The following KIRREL3 variants were observed in gnomAD, a reference collection of about 807,000 sequenced individuals.
KIRREL3 encodes kin of IRRE-like protein 3.
KIRREL3 carries 36 observed loss-of-function variants against 89.7 expected under a neutral mutation model. The observed-to-expected ratio is 0.40, with a 90% CI of 0.31 to 0.53. KIRREL3 has a LOEUF of 0.53. KIRREL3 is among the 20% of genes least tolerant of loss of function. KIRREL3 has a pLI of 0.49. For synonymous variants in KIRREL3, 445 were observed against 441.4 expected, an observed-to-expected ratio of 1.01 and a Z score of -0.10; for missense variants, 864 against 1,056.6, an observed-to-expected ratio of 0.82 and a Z score of 2.53.
At chr11:126,825,459 C>A (rs1157071510) in intron 1 of KIRREL3, among the ~76,000 whole-genome samples, 1 of 152,090 alleles carries the variant, frequency 6.6e-6, no homozygotes, top group Non-Finnish European at 1.5e-5. Flanking sequence ...ATAATGAGAT[C>A]TAGCAAAGGT....
At chr11:126,671,259 G>C (rs1348702779) in intron 1 of KIRREL3, among the ~76,000 whole-genome samples, 1 of 147,950 alleles carries the variant, frequency 6.8e-6, no homozygotes, top group African/African-American at 2.5e-5. Flanking sequence ...TTTGAGTCGA[G>C]GTCTTGCTGC....
At position 126,623,234 on chromosome 11, in the gene KIRREL3, C is replaced by T. The variant is rs1334419343; in HGVS notation, c.56-60322G>A. On this transcript the variant is annotated intron_variant, in intron 1 of 16. Coordinates refer to ENST00000525144, the MANE Select transcript of KIRREL3 (RefSeq NM_032531.4). The surrounding 1 kb of genome is among the most constrained non-coding windows in gnomAD (Gnocchi z 4.1). ...CATCTCAATGGGTGGAAAAACCTAC[C>T]CACATGCTATGAGGATGGGAAACCA... Among the ~76,000 whole-genome samples the T allele has an allele frequency of 6.6e-6, 1 of 152,106 alleles. No individual in the cohort carries two copies. The highest frequency in any genetic ancestry group is 1.5e-5 in the Non-Finnish European group (1 of 68,020).
In KIRREL3 at chr11:126,542,915, G is replaced by A. The variant is rs529106917; in HGVS notation, c.134-16228C>T. Among the ~76,000 whole-genome samples, 4 of 152,222 alleles carry A rather than the reference G, an allele frequency of 2.6e-5. No individual in the cohort carries two copies. In the East Asian group the frequency reaches 5.8e-4, roughly 22 times the overall value. ...CCCTGGGATTGTGGGCCGTCTTCTG[G>A]TGGGTTTGGGATATTAACCACAACT... is the stretch of plus-strand genomic sequence containing the variant. On this transcript the variant is annotated intron_variant, in intron 2 of 16. Coordinates refer to ENST00000525144, the MANE Select transcript of KIRREL3 (RefSeq NM_032531.4).
At chr11:126,800,308 C>G (rs1449973031) in intron 1 of KIRREL3, among the ~76,000 whole-genome samples, 1 of 152,198 alleles carries the variant, frequency 6.6e-6, no homozygotes, top group African/African-American at 2.4e-5. Flanking sequence ...TCTGAGCACT[C>G]AGCCACTTGC....
intron 1 of KIRREL3, among the ~76,000 whole-genome samples, chr11:126,846,568 A>G (rs1805121473): frequency 1.3e-5 from 2 of 152,196 alleles, no homozygotes; most frequent in South Asian, 4.1e-4. Context: ...CACACCTAGT[A>G]CATAATGAAA....
Position 126,436,978 on chromosome 11 carries a change from G to C in KIRREL3, c.1385C>G (p.Ser462Trp). 6.4e-7 allele frequency: 1 copy of C among 1,574,520 alleles called. No homozygotes were observed. The highest frequency in any genetic ancestry group is 8.7e-7 in the Non-Finnish European group (1 of 1,155,260). ...CACCGTATAGCGCCCCGATGTGCCC[G>C]ACTCCAGAACGTTCTCCTTCCAGGA... ...AWSWKENVLE[S>W]GTSGRYTVET... is the part of the protein sequence containing the mutation. Residue 462 changes from serine (S) to tryptophan (W), a missense_variant, in exon 12 of 17, where the codon TCG becomes TGG. Physicochemically the swap from Ser to Trp is radical, Grantham distance 177 (BLOSUM62 -3). Coordinates refer to ENST00000525144, the MANE Select transcript of KIRREL3 (RefSeq NM_032531.4).
upstream of KIRREL3, chr11:127,000,968 T>A (rs1950301796): frequency 6.8e-6 from 2 of 292,264 alleles, no homozygotes; most frequent in Non-Finnish European, 1.3e-5. The surrounding 1 kb of genome is among the most constrained non-coding windows in gnomAD (Gnocchi z 7.1). Context: ...GGGAAAAGGC[T>A]GTGTTCTTTC....
intron 1 of KIRREL3, among the ~76,000 whole-genome samples, chr11:126,832,912 T>A (rs547470191): frequency 6.6e-6 from 1 of 152,220 alleles, no homozygotes; most frequent in East Asian, 1.9e-4. Context: ...TAGACTTCAC[T>A]ATGGTGCACA....
In KIRREL3 at chr11:126,463,430, CT is replaced by C; in HGVS notation, c.592-124del. On this transcript the variant is annotated intron_variant, in intron 5 of 16. Coordinates refer to ENST00000525144, the MANE Select transcript of KIRREL3 (RefSeq NM_032531.4). This position sits in a 1 kb window ranked among gnomAD's most constrained non-coding sequence, Gnocchi z 5.9. The stretch of plus-strand genomic sequence containing the variant: ...GGGAGCTGTGGATGGAGGGGTTCAG[CT>C]TAGGAGACCTGGGCTGCCCATGTCT... 2.0e-6 allele frequency: 2 copies of C among 979,924 alleles called. No individual in the cohort carries two copies. The highest frequency in any genetic ancestry group is 3.0e-6 in the Non-Finnish European group (2 of 670,660). The allele number at this position is 979,924 out of a possible 1,614,324, so 60.7% of individuals were successfully genotyped here.
Position 126,522,580 on chromosome 11 carries a change from AT to A in KIRREL3, c.284-1117del, listed in dbSNP as rs1192412989. Among the ~76,000 whole-genome samples the A allele has an allele frequency of 6.6e-6, 1 of 152,260 alleles. No individual in the cohort carries two copies. Among genetic ancestry groups the A allele is most frequent in the Non-Finnish European group, 1.5e-5 (1 of 68,050 alleles). On this transcript the variant is annotated intron_variant, in intron 3 of 16. Transcript: ENST00000525144. This position sits in a 1 kb window ranked among gnomAD's most constrained non-coding sequence, Gnocchi z 6.0. Reference sequence around the variant, plus strand: ...AAATAAAAGTTTGAGAATATAAATCATTAATCAGCGTTCCTGCTGCTGTGTA... The same window carrying A: ...AAATAAAAGTTTGAGAATATAAATCATAATCAGCGTTCCTGCTGCTGTGTA...
chr11:126,553,844 T>A lies in KIRREL3; in HGVS notation c.133+8991A>T, dbSNP rs545061854. Among the ~76,000 whole-genome samples, 1 of 152,294 alleles carries A rather than the reference T, an allele frequency of 6.6e-6. No individual in the cohort carries two copies. The highest frequency in any genetic ancestry group is 2.4e-5 in the African/African-American group (1 of 41,556). The stretch of plus-strand genomic sequence containing the variant: ...CAGAGGCCTCTACCATTGTTCATTT[T>A]TTTCCATCACTATTAGGAAAACAGC... On this transcript the variant is annotated intron_variant, in intron 2 of 16. Transcript: ENST00000525144. This position sits in a 1 kb window ranked among gnomAD's most constrained non-coding sequence, Gnocchi z 4.7.
At chr11:126,654,458 GA>G (rs1448860273) in intron 1 of KIRREL3, among the ~76,000 whole-genome samples, 1 of 152,090 alleles carries the variant, frequency 6.6e-6, no homozygotes, top group Non-Finnish European at 1.5e-5. Context: ...AAGGTGGAGG[GA>G]GATAGGATTG....
upstream of KIRREL3, chr11:127,002,941 G>GGTTTTCTGAGATCTGGGACGA (rs1950339613): frequency 6.6e-6 from 1 of 151,974 alleles, no homozygotes; most frequent in Non-Finnish European, 1.5e-5. Context: ...GGGGGCCTGG[G>GGTTTTCTGAGATCTGGGACGA]AGATCCAGGT....
chr11:126,571,012 T>A lies in KIRREL3; in HGVS notation c.56-8100A>T, dbSNP rs565458889. ...TTGTTATTTAGCGAGAGATTGACACTTTAGAGGAGTGAGGAGTTTGTCCTG... is the reference window on the plus strand; with the variant it reads ...TTGTTATTTAGCGAGAGATTGACACATTAGAGGAGTGAGGAGTTTGTCCTG... On this transcript the variant is annotated intron_variant, in intron 1 of 16. Coordinates refer to ENST00000525144, the MANE Select transcript of KIRREL3 (RefSeq NM_032531.4). This position sits in a 1 kb window ranked among gnomAD's most constrained non-coding sequence, Gnocchi z 7.7. Among the ~76,000 whole-genome samples the A allele has an allele frequency of 6.6e-6, 1 of 152,160 alleles. No homozygotes were observed. The highest frequency in any genetic ancestry group is 1.5e-5 in the Non-Finnish European group (1 of 68,020).
intron 1 of KIRREL3, among the ~76,000 whole-genome samples, chr11:126,949,827 G>A (rs1948726694): frequency 6.6e-6 from 1 of 152,174 alleles, no homozygotes; most frequent in Admixed American, 6.5e-5. Context: ...CTGGGTACCA[G>A]TTGCATCAAC....
chr11:126,930,130 C>G (rs1466761118), intron 1 of KIRREL3, among the ~76,000 whole-genome samples: 1 of 152,180 alleles, frequency 6.6e-6, no homozygotes, highest in South Asian at 2.1e-4. Context: ...TTCACTCCCC[C>G]CTGCACACTT....
chr11:126,789,744 C>T (rs1045789548), intron 1 of KIRREL3, among the ~76,000 whole-genome samples: 1 of 152,182 alleles, frequency 6.6e-6, no homozygotes, highest in Non-Finnish European at 1.5e-5. Flanking sequence ...GGGTACCATG[C>T]ACTCTGTGGT....
At chr11:126,720,779 C>T (rs1418892780) in intron 1 of KIRREL3, among the ~76,000 whole-genome samples, 2 of 152,142 alleles carry the variant, frequency 1.3e-5, no homozygotes, top group Non-Finnish European at 2.9e-5. Context: ...TGGGCCAGGG[C>T]ACATGCAAAT....
chr11:126,913,899 T>C (rs1946931138), intron 1 of KIRREL3, among the ~76,000 whole-genome samples: 1 of 152,186 alleles, frequency 6.6e-6, no homozygotes, highest in African/African-American at 2.4e-5. Flanking sequence ...CAGAGGAAGC[T>C]CATTGCTAGG....
Sources: allele counts gnomAD v4.1 joint callset (sites outside exome capture counted in the v4.1 genomes callset), GRCh38; gene constraint gnomAD v4.1.1; non-coding constraint Gnocchi (gnomAD v3.1); transcripts MANE v1.5; gene names NCBI Gene and HGNC (gene_info 2026-07-23, HGNC 2026-07-21).